The following PLOD1 variants were observed in gnomAD, a reference collection of about 807,000 sequenced individuals.
The protein encoded by PLOD1 is lysine hydroxylase.
PLOD1 carries 70 observed loss-of-function variants against 94.7 expected under a neutral mutation model. The ratio of observed to expected loss-of-function variants is 0.74; its 90% CI spans 0.61 to 0.90. PLOD1 has a LOEUF of 0.90. Ranked by LOEUF, PLOD1 falls within the 40% of genes least tolerant of loss-of-function variation. The probability of loss-of-function intolerance (pLI) is 0.00; values close to 1 mark genes in which losing one functional copy is unlikely to be tolerated. For synonymous variants in PLOD1, 417 were observed against 400.2 expected (o/e 1.04, Z -0.50); for missense variants, 905 against 972.7 (o/e 0.93, Z 0.93).
At chr1:11,951,349 T>C (rs1266803002) in intron 4 of PLOD1, among the ~76,000 whole-genome samples, 5 of 147,834 alleles carry the variant, frequency 3.4e-5, no homozygotes, top group African/African-American at 1.2e-4. Flanking sequence ...GAGGATCACT[T>C]GAGGCCAGGA....
At chr1:11,936,853 T>TTC (rs936166231) in intron 1 of PLOD1, among the ~76,000 whole-genome samples, 2 of 147,426 alleles carry the variant, frequency 1.4e-5, no homozygotes, top group Non-Finnish European at 3.0e-5. Flanking sequence ...TTTTCTTTCT[T>TTC]TTTTTTTTTT....
intron 12 of PLOD1, 27 bp downstream of exon 12, chr1:11,964,327 T>TGGGGTGGGGG: frequency 1.8e-6 from 1 of 546,372 alleles, no homozygotes; most frequent in Non-Finnish European, 3.2e-6. Context: ...TGGGGGTGGG[T>TGGGGTGGGGG]GGGGGACACC....
rs1434675020 is a variant in PLOD1, at chr1:11,963,627, A to C, written c.1193A>C (p.Gln398Pro). 3.1e-6 allele frequency: 5 copies of C among 1,592,466 alleles called. No homozygotes were observed. The Admixed American group carries it at 7.2e-5, about 23-fold the overall frequency. Residue 398 changes from glutamine to proline, a missense_variant, in exon 11 of 19, where the codon CAA becomes CCA. Transcript: ENST00000196061. The surrounding 1 kb of genome is among the most constrained non-coding windows in gnomAD (Gnocchi z 4.3). ...CCCAACAGCCTGCGGCTGCTGATCC[A>C]ACAGAACAAGTGAGGCTGCTCCGTC... Reference protein sequence around the residue: ...TEPNSLRLLIQQNKNVIAPLM... With the variant: ...TEPNSLRLLIPQNKNVIAPLM...
Position 11,958,517 on chromosome 1 carries a change from A to T in PLOD1, c.845A>T (p.Asp282Val), listed in dbSNP as rs997241850. 1.9e-6 allele frequency: 3 copies of T among 1,613,718 alleles called. No homozygotes were observed. Among genetic ancestry groups the T allele is most frequent in the Non-Finnish European group, 2.5e-6 (3 of 1,179,914 alleles). The part of the protein sequence containing the change: ...EGLRSLKGIG[D>V]EALPTVLVGV... Reference sequence around the variant, plus strand: ...CTTGTGCCGCCCTCCCTGGTGCAGGATGAAGCTCTGCCCACGGTCCTGGTC... The same window carrying T: ...CTTGTGCCGCCCTCCCTGGTGCAGGTTGAAGCTCTGCCCACGGTCCTGGTC... The change falls in exon 9 of 19, where the codon GAT (aspartate) becomes GTT (valine). Residue 282 changes from aspartate (D) to valine (V), a missense_variant and splice_region_variant. By Grantham distance (152) the Asp-to-Val change is radical. Coordinates refer to ENST00000196061, the MANE Select transcript of PLOD1 (RefSeq NM_000302.4). This position sits in a 1 kb window ranked among gnomAD's most constrained non-coding sequence, Gnocchi z 4.3.
At chr1:11,964,376 CTATTATTCCTGTTCT>C in intron 12 of PLOD1, 76 bp downstream of exon 12, 1 of 1,429,098 alleles carries the variant, frequency 7.0e-7, no homozygotes, top group Non-Finnish European at 9.8e-7. Context: ...GGCTCCCTCC[CTATTATTCCTGTTCT>C]TGTTACCCTC....
intron 6 of PLOD1, among the ~76,000 whole-genome samples, chr1:11,955,395 A>C (rs1645731296): frequency 2.0e-5 from 3 of 152,188 alleles, no homozygotes; most frequent in South Asian, 4.1e-4. Context: ...ACCTCAGGCA[A>C]GTCACACCTC....
chr1:11,960,014 C>A (rs952670026), intron 9 of PLOD1, among the ~76,000 whole-genome samples: 2 of 145,982 alleles, frequency 1.4e-5, no homozygotes, highest in African/African-American at 2.8e-5. Context: ...ACTGCAACCT[C>A]CGCCTCCCAA....
In PLOD1 at chr1:11,972,727, T is replaced by C. The variant is rs1645875060; in HGVS notation, c.1903-145T>C. On this transcript the variant is annotated intron_variant, in intron 17 of 18. Coordinates refer to ENST00000196061, the MANE Select transcript of PLOD1 (RefSeq NM_000302.4). This position sits in a 1 kb window ranked among gnomAD's most constrained non-coding sequence, Gnocchi z 4.6. ...TTCTGTGCCAGGTAGTTGCAGGCAC[T>C]CGAGCATAGAGCCCCATGTAGACCT... is the stretch of plus-strand genomic sequence containing the variant. 1 of 772,314 alleles carries C rather than the reference T, an allele frequency of 1.3e-6. No homozygotes were observed. The highest frequency in any genetic ancestry group is 2.3e-6 in the Non-Finnish European group (1 of 443,328). 47.8% of individuals were successfully genotyped at this position (772,314 alleles called of 1,614,324 possible).
chr1:11,960,880 C>G (rs1645773783), intron 10 of PLOD1, 113 bp downstream of exon 10: 2 of 1,482,334 alleles, frequency 1.3e-6, no homozygotes, highest in East Asian at 4.7e-5. Flanking sequence ...TGTGCTCTAG[C>G]AAGTTCCTGC....
chr1:11,970,325 C>T (rs778279399), intron 16 of PLOD1, among the ~76,000 whole-genome samples: 19 of 152,152 alleles, frequency 1.2e-4, no homozygotes, highest in Admixed American at 2.0e-4. Flanking sequence ...CCCAGCTACA[C>T]GGGAGGGTGA....
In PLOD1 at chr1:11,974,519, G is replaced by A. The variant is rs924918638; in HGVS notation, c.2029-134G>A. ...TTTAGTGTCTTCCTTAGCAGCGCTT[G>A]TGGCTGTCACTCCAGAAGGCATCCC... is the stretch of plus-strand genomic sequence containing the variant. On this transcript the variant is annotated intron_variant, in intron 18 of 18. Transcript: ENST00000196061. 35 of 837,234 alleles carry A rather than the reference G, an allele frequency of 4.2e-5. 1 individual carries two copies. Among genetic ancestry groups the A allele is most frequent in the Non-Finnish European group, 6.3e-5 (32 of 505,852 alleles). The allele number at this position is 837,234 out of a possible 1,614,324, so 51.9% of individuals were successfully genotyped here.
rs775477980 is a variant in PLOD1 at position 11,966,282 on chromosome 1, A to G, written c.1616A>G (p.Tyr539Cys). The G allele has an allele frequency of 1.2e-6, 2 of 1,607,960 alleles. No individual in the cohort carries two copies. Among genetic ancestry groups the G allele is most frequent in the Admixed American group, 1.7e-5 (1 of 59,446 alleles). ...DWKEKYIHQNYTKALAGKLVE... is the reference protein window; with the variant it reads ...DWKEKYIHQNCTKALAGKLVE... ...AAGGAGAAGTACATCCACCAGAACT[A>G]CACCAAAGCCCTGGCAGGGAAGCTG... Residue 539 changes from tyrosine (Y) to cysteine (C), a missense_variant, in exon 15 of 19, where the codon TAC becomes TGC. By Grantham distance (194) the Tyr-to-Cys change is radical. Transcript: ENST00000196061.
At chr1:11,955,336 G>A (rs1645730850) in intron 6 of PLOD1, among the ~76,000 whole-genome samples, 1 of 152,230 alleles carries the variant, frequency 6.6e-6, no homozygotes, top group South Asian at 2.1e-4. Flanking sequence ...TCATGTCTGT[G>A]GCTGGTGATG....
chr1:11,952,792 C>T, intron 5 of PLOD1, 57 bp downstream of exon 5: 1 of 1,243,098 alleles, frequency 8.0e-7, no homozygotes, highest in Non-Finnish European at 1.2e-6. Flanking sequence ...GGCCAGGCTG[C>T]ACGGGAACAG....
At chr1:11,943,888 T>C (rs1645631548) in intron 1 of PLOD1, among the ~76,000 whole-genome samples, 1 of 152,162 alleles carries the variant, frequency 6.6e-6, no homozygotes. Flanking sequence ...TCGCCAGCTG[T>C]ACCCTTGGTT....
At chr1:11,939,428 T>C (rs573567816) in intron 1 of PLOD1, among the ~76,000 whole-genome samples, 1 of 152,208 alleles carries the variant, frequency 6.6e-6, no homozygotes, top group African/African-American at 2.4e-5. Context: ...GGGTGTGTCA[T>C]GACTGTGCCT....
chr1:11,935,022 T>C (rs953441549), intron 1 of PLOD1, among the ~76,000 whole-genome samples, 167 bp downstream of exon 1: 52 of 152,290 alleles, frequency 3.4e-4, no homozygotes, highest in African/African-American at 1.1e-3. Flanking sequence ...TCACTTCCCC[T>C]CTTGGGGCTG....
In PLOD1 at chr1:11,972,387, G is replaced by A. The variant is rs772907951; in HGVS notation, c.1903-485G>A. ...CGGCCTCAGCCTCCCAAGTAGCTGC[G>A]ATTACAGACGCCCACCACCATGTCT... On this transcript the variant is annotated intron_variant, in intron 17 of 18. Coordinates refer to ENST00000196061, the MANE Select transcript of PLOD1 (RefSeq NM_000302.4). The surrounding 1 kb of genome is among the most constrained non-coding windows in gnomAD (Gnocchi z 4.6). 1.8e-5 allele frequency: 3 copies of A among 164,306 alleles called. No individual in the cohort carries two copies. The highest frequency in any genetic ancestry group is 1.2e-4 in the Admixed American group (2 of 17,052). The allele number at this position is 164,306 out of a possible 1,614,324, so 10.2% of individuals were successfully genotyped here. A position where few individuals can be genotyped will look rare whatever the true frequency, so the allele number is the denominator to read the frequency against.
intron 1 of PLOD1, chr1:11,944,433 AC>A: frequency 2.6e-6 from 2 of 766,966 alleles, no homozygotes; most frequent in South Asian, 1.5e-5. Context: ...ACACACACAC[AC>A]ACACACACAC....
Sources: allele counts gnomAD v4.1 joint callset (sites outside exome capture counted in the v4.1 genomes callset), GRCh38; gene constraint gnomAD v4.1.1; non-coding constraint Gnocchi (gnomAD v3.1); transcripts MANE v1.5; gene names NCBI Gene and HGNC (gene_info 2026-07-23, HGNC 2026-07-21).